Variants in TERB1 observed in about 807,000 individuals in gnomAD.
TERB1 encodes telomere repeat binding bouquet formation protein 1, also known as telomere repeats-binding bouquet formation protein 1.
A neutral mutation model predicts 92.3 loss-of-function variants in TERB1; 63 were observed. The observed-to-expected ratio is 0.68, with a 90% CI of 0.56 to 0.84. The LOEUF (loss-of-function observed/expected upper bound fraction) is 0.84, where lower values mean the gene tolerates loss of function less well. TERB1 is among the 40% of genes least tolerant of loss of function. The probability of loss-of-function intolerance (pLI) is 0.00; values close to 1 mark genes in which losing one functional copy is unlikely to be tolerated. For synonymous variants in TERB1, 252 were observed against 283.9 expected, an observed-to-expected ratio of 0.89 and a Z score of 1.13; for missense variants, 709 against 843.7, an observed-to-expected ratio of 0.84 and a Z score of 1.98.
intron 9 of TERB1, among the ~76,000 whole-genome samples, chr16:66,782,196 A>G (rs1326797991): frequency 6.6e-6 from 1 of 152,192 alleles, no homozygotes; most frequent in East Asian, 1.9e-4. Context: ...TTTTGTAGAC[A>G]ATCAACAACA....
At chr16:66,757,147 GT>G (rs375541062) in intron 18 of TERB1, among the ~76,000 whole-genome samples, 162 of 152,248 alleles carry the variant, frequency 1.1e-3, no homozygotes, top group African/African-American at 3.4e-3. Flanking sequence ...TGAAAGAGAT[GT>G]AAGAATCACT....
chr16:66,796,877 G>C, intron 2 of TERB1, 47 bp from the exon 3 acceptor site: 1 of 1,038,006 alleles, frequency 9.6e-7, no homozygotes, highest in Admixed American at 2.2e-5. Flanking sequence ...GTTTGAGAAT[G>C]GCAAAGATAT....
intron 18 of TERB1, among the ~76,000 whole-genome samples, chr16:66,755,489 TAC>T (rs1407933726): frequency 6.6e-6 from 1 of 152,222 alleles, no homozygotes; most frequent in Non-Finnish European, 1.5e-5. Context: ...ACAAACATCT[TAC>T]CGGCCAGGCA....
upstream of TERB1, among the ~76,000 whole-genome samples, chr16:66,801,875 G>C (rs964479109): frequency 6.6e-6 from 1 of 152,346 alleles, no homozygotes; most frequent in African/African-American, 2.4e-5. Flanking sequence ...TGGCCGCGAA[G>C]CACAGGACGG....
intron 9 of TERB1, among the ~76,000 whole-genome samples, chr16:66,785,008 C>T (rs2018704289): frequency 6.7e-6 from 1 of 149,600 alleles, no homozygotes; most frequent in African/African-American, 2.5e-5. Flanking sequence ...CAGGTGTGAC[C>T]CACTGCGTCT....
intron 3 of TERB1, 30 bp from the exon 4 acceptor site, chr16:66,791,049 C>A: frequency 7.8e-7 from 1 of 1,277,386 alleles, no homozygotes; most frequent in East Asian, 2.6e-5. Flanking sequence ...TTATTTTAAA[C>A]CAAAAGGTTT....
At chr16:66,772,349 G>A (rs1412797582) in intron 13 of TERB1, among the ~76,000 whole-genome samples, 1 of 152,112 alleles carries the variant, frequency 6.6e-6, no homozygotes, top group Non-Finnish European at 1.5e-5. Context: ...GGGTGTGGTG[G>A]CGCACATCTG....
rs776007392 is a variant in TERB1 at position 66,778,852 on chromosome 16, C to T, written c.853+11G>A. ...TCAATTTCAAAAAAACTAGTAAGCA[C>T]TGTCACTCACGATTATCAGCAATGC... On this transcript the variant is annotated intron_variant, in intron 10 of 18. Coordinates refer to ENST00000433154, the MANE Select transcript of TERB1 (RefSeq NM_001136505.2). 2.7e-6 allele frequency: 4 copies of T among 1,476,294 alleles called. No individual in the cohort carries two copies. The African/African-American group carries it at 5.6e-5, about 21-fold the overall frequency. The allele number at this position is 1,476,294 out of a possible 1,614,324, so 91.4% of individuals were successfully genotyped here.
chr16:66,788,242 G>T lies in TERB1; in HGVS notation c.327C>A (p.Phe109Leu). ...AATTTATGTTTGAATCATTAGATAA[G>T]AACCAAGTTAAGTCTTCAAACAACT... Reference protein sequence around the residue: ...TSELFEDLTWFLSNDSNINLK... With the variant: ...TSELFEDLTWLLSNDSNINLK... Residue 109 changes from phenylalanine (F) to leucine (L), a missense_variant, in exon 6 of 19, where the codon TTC becomes TTA. Phe to Leu is a conservative substitution (Grantham distance 22, BLOSUM62 0). Coordinates refer to ENST00000433154, the MANE Select transcript of TERB1 (RefSeq NM_001136505.2). 1 of 1,511,862 alleles carries T rather than the reference G, an allele frequency of 6.6e-7. No individual in the cohort carries two copies. The highest frequency in any genetic ancestry group is 8.8e-7 in the Non-Finnish European group (1 of 1,130,474). The allele number at this position is 1,511,862 out of a possible 1,614,324, so 93.7% of individuals were successfully genotyped here. A position where few individuals can be genotyped will look rare whatever the true frequency, so the allele number is the denominator to read the frequency against.
chr16:66,788,630 T>C (rs1026460205), intron 5 of TERB1, among the ~76,000 whole-genome samples: 5 of 147,178 alleles, frequency 3.4e-5, no homozygotes, highest in African/African-American at 1.2e-4. Context: ...TAACAAAACA[T>C]AGCAAGAAAA....
intron 16 of TERB1, among the ~76,000 whole-genome samples, chr16:66,764,599 G>A (rs1274233170): frequency 6.6e-6 from 1 of 152,158 alleles, no homozygotes; most frequent in South Asian, 2.1e-4. Context: ...AGTTGGAGAG[G>A]CTTGAGACAA....
chr16:66,774,242 G>A (rs2018504665), intron 12 of TERB1, among the ~76,000 whole-genome samples: 1 of 132,960 alleles, frequency 7.5e-6, no homozygotes. Flanking sequence ...CTGGAGTGCA[G>A]TGGCGCAATC....
chr16:66,779,701 CATTT>C (rs1040081397), intron 9 of TERB1, among the ~76,000 whole-genome samples: 8 of 152,172 alleles, frequency 5.3e-5, no homozygotes, highest in South Asian at 2.1e-4. Context: ...TATATTCATT[CATTT>C]ATCTTGGTAA....
chr16:66,779,912 AC>A (rs2018607943), intron 9 of TERB1, among the ~76,000 whole-genome samples: 1 of 152,166 alleles, frequency 6.6e-6, no homozygotes, highest in Non-Finnish European at 1.5e-5. Context: ...AGATTCAATG[AC>A]CGGTATCTAT....
At chr16:66,761,135 A>C (rs1449812691) in intron 16 of TERB1, among the ~76,000 whole-genome samples, 1 of 149,798 alleles carries the variant, frequency 6.7e-6, no homozygotes, top group African/African-American at 2.4e-5. Context: ...AAGAAAAGAA[A>C]AGAAAAAGAA....
intron 12 of TERB1, among the ~76,000 whole-genome samples, chr16:66,773,309 T>A (rs9929734): frequency 1.3e-5 from 2 of 151,944 alleles, no homozygotes; most frequent in African/African-American, 2.4e-5. Context: ...ACTCCAGCCC[T>A]GGCGACAGAG....
At chr16:66,781,650 G>T (rs2018639178) in intron 9 of TERB1, among the ~76,000 whole-genome samples, 1 of 151,168 alleles carries the variant, frequency 6.6e-6, no homozygotes, top group Non-Finnish European at 1.5e-5. Flanking sequence ...CTCTTGAGTA[G>T]CTGGGACTAC....
rs980319945 is a variant in TERB1, at chr16:66,754,743, AC to A, written c.*232del. On this transcript the variant is annotated 3_prime_UTR_variant, in exon 19 of 19. Transcript: ENST00000433154. ...AGGAAAAATAAAAGCATATTCCTAA[AC>A]AAATGTTTGATCTTATGAAGGAATT... 8.5e-6 allele frequency: 4 copies of A among 469,908 alleles called. No individual in the cohort carries two copies. The highest frequency in any genetic ancestry group is 8.1e-5 in the African/African-American group (4 of 49,594). 29.1% of individuals were successfully genotyped at this position (469,908 alleles called of 1,614,324 possible).
At chr16:66,796,004 C>T (rs755529322) in intron 3 of TERB1, among the ~76,000 whole-genome samples, 9 of 152,182 alleles carry the variant, frequency 5.9e-5, no homozygotes, top group Non-Finnish European at 1.0e-4. Context: ...CCACTTTGGC[C>T]TCCCAAAGTG....
Sources: gnomAD v4.1 joint callset for allele counts (sites outside exome capture counted in the v4.1 genomes callset) on GRCh38, gnomAD v4.1.1 for gene constraint, MANE v1.5 for transcripts, NCBI Gene and HGNC (gene_info 2026-07-23, HGNC 2026-07-21) for gene names.